The following MON2 variants were observed in gnomAD, a reference collection of about 807,000 sequenced individuals.
MON2 encodes the protein MON2 regulator of endosome-to-Golgi trafficking.
Under a neutral mutation model 208.6 loss-of-function variants are expected in MON2, and 84 were observed. The observed-to-expected ratio is 0.40, with a 90% CI of 0.34 to 0.48. MON2 has a LOEUF of 0.48. Ranked by LOEUF, MON2 falls within the 20% of genes least tolerant of loss-of-function variation. The pLI is 0.59. For missense variants in MON2, 1,611 were observed against 2,015.4 expected (o/e 0.80, Z 3.84); for synonymous variants, 660 against 694.0 (o/e 0.95, Z 0.77).
Position 62,529,891 on chromosome 12 carries a change from G to A in MON2, c.1401-2547G>A, listed in dbSNP as rs143600968. On this transcript the variant is annotated intron_variant, in intron 11 of 34. Transcript: ENST00000393630. ...TATGTAATAAATGTACATATTTTCA[G>A]GGTAAATGTGATATTTTGATACATT... 4.3e-3 allele frequency among the ~76,000 whole-genome samples: 650 copies of A among 152,088 alleles called. 6 individuals are homozygous for A. Among genetic ancestry groups the A allele is most frequent in the African/African-American group, 0.015 (617 of 41,444 alleles).
At chr12:62,536,146 C>T (rs1407841647) in intron 14 of MON2, among the ~76,000 whole-genome samples, 1 of 151,652 alleles carries the variant, frequency 6.6e-6, no homozygotes, top group East Asian at 1.9e-4. Flanking sequence ...CAATTTTAAA[C>T]AATAATTGTG....
At chr12:62,554,686 T>A (rs1035493679) in intron 24 of MON2, among the ~76,000 whole-genome samples, 2 of 151,998 alleles carry the variant, frequency 1.3e-5, no homozygotes, top group African/African-American at 4.8e-5. Context: ...TTTGTAGAGA[T>A]AGTCTCACCA....
Position 62,467,020 on chromosome 12 carries a change from A to G in MON2, c.-188A>G. 5.6e-6 allele frequency: 3 copies of G among 533,176 alleles called. No homozygotes were observed. Among genetic ancestry groups the G allele is most frequent in the South Asian group, 2.4e-5 (1 of 40,948 alleles). 33.0% of individuals were successfully genotyped at this position (533,176 alleles called of 1,614,324 possible). ...GACTGCGGGGGGCGCCTCCGAGAAA[A>G]GCCAGAGGTGTTGCGGGGAAGCTGC... is the stretch of plus-strand genomic sequence containing the variant. On this transcript the variant is annotated 5_prime_UTR_variant, in exon 1 of 35. Coordinates refer to ENST00000393630, the MANE Select transcript of MON2 (RefSeq NM_015026.3).
intron 32 of MON2, among the ~76,000 whole-genome samples, chr12:62,582,190 TAAATGTCC>T (rs1402502665): frequency 6.6e-6 from 1 of 152,250 alleles, no homozygotes; most frequent in Non-Finnish European, 1.5e-5. Context: ...CAATTAGGTA[TAAATGTCC>T]AAAGTTAAAT....
In MON2 at chr12:62,560,684, C is replaced by T. The variant is rs778437502; in HGVS notation, c.3603C>T (p.Pro1201=). The T allele has an allele frequency of 3.1e-6, 5 of 1,613,848 alleles. No homozygotes were observed. In the East Asian group the frequency reaches 8.9e-5, roughly 29 times the overall value. ...VNVPVPVLIG[P]ISGMSRPFVR... is the part of the protein sequence containing the mutation. ...TACCTGTGCCTGTTCTTATAGGGCCCATATCAGGCATGAGCAGGCCATTTG... is the reference window on the plus strand; with the variant it reads ...TACCTGTGCCTGTTCTTATAGGGCCTATATCAGGCATGAGCAGGCCATTTG... The change falls in exon 26 of 35, where the codon CCC becomes CCT. Residue 1201 remains proline (P), a synonymous_variant. Coordinates refer to ENST00000393630, the MANE Select transcript of MON2 (RefSeq NM_015026.3).
intron 8 of MON2, among the ~76,000 whole-genome samples, chr12:62,513,905 G>A (rs1285586954): frequency 6.9e-6 from 1 of 145,652 alleles, no homozygotes; most frequent in Non-Finnish European, 1.5e-5. Flanking sequence ...AGCCGAGATC[G>A]CTCCACTGCA....
chr12:62,559,782 A>G (rs1390886253), intron 25 of MON2: 1 of 152,130 alleles, frequency 6.6e-6, no homozygotes, highest in Non-Finnish European at 1.5e-5. Context: ...CTTAAAAAAA[A>G]AAAAAGAAAA....
chr12:62,499,161 T>TA, intron 5 of MON2, 113 bp downstream of exon 5: 1 of 1,093,492 alleles, frequency 9.1e-7, no homozygotes, highest in Non-Finnish European at 1.2e-6. Flanking sequence ...AATGGCAACT[T>TA]AAAAAATAAA....
chr12:62,595,633 T>C lies in MON2; in HGVS notation c.*2884T>C, dbSNP rs533822510. The stretch of plus-strand genomic sequence containing the variant: ...GCATAGATTACTTCTTAGTTTCCTA[T>C]GCTACCACCACTGCCAAGGGAGAAA... On this transcript the variant is annotated 3_prime_UTR_variant, in exon 35 of 35. Coordinates refer to ENST00000393630, the MANE Select transcript of MON2 (RefSeq NM_015026.3). 2.6e-5 allele frequency: 4 copies of C among 152,370 alleles called. No individual in the cohort carries two copies. In the East Asian group the frequency reaches 7.7e-4, roughly 29 times the overall value. The allele number at this position is 152,370 out of a possible 1,614,324, so 9.4% of individuals were successfully genotyped here.
At chr12:62,547,358 TCTTA>T (rs1279682722) in intron 22 of MON2, among the ~76,000 whole-genome samples, 8 of 152,190 alleles carry the variant, frequency 5.3e-5, no homozygotes, top group African/African-American at 1.9e-4. Context: ...AATACATGAT[TCTTA>T]CTTATAAGAT....
intron 12 of MON2, among the ~76,000 whole-genome samples, chr12:62,534,451 G>A (rs1463956952): frequency 6.4e-5 from 9 of 141,610 alleles, no homozygotes; most frequent in Non-Finnish European, 1.4e-4. Flanking sequence ...CCCAGGAGGC[G>A]AAGGTTGCAG....
In MON2 at chr12:62,467,121, G is replaced by C; in HGVS notation, c.-87G>C. The C allele has an allele frequency of 9.3e-7, 1 of 1,080,270 alleles. No individual in the cohort carries two copies. The highest frequency in any genetic ancestry group is 1.4e-6 in the Non-Finnish European group (1 of 727,974). 66.9% of individuals were successfully genotyped at this position (1,080,270 alleles called of 1,614,324 possible). A position where few individuals can be genotyped will look rare whatever the true frequency, so the allele number is the denominator to read the frequency against. On this transcript the variant is annotated 5_prime_UTR_variant, in exon 1 of 35. Transcript: ENST00000393630. ...GGGCTGCTGAAGGACCAGAGACACCGGGAGGGAGCTGCCTGTGGCCCTAAG... is the reference window on the plus strand; with the variant it reads ...GGGCTGCTGAAGGACCAGAGACACCCGGAGGGAGCTGCCTGTGGCCCTAAG...
chr12:62,497,715 A>G (rs2070601784), intron 4 of MON2, among the ~76,000 whole-genome samples: 1 of 152,134 alleles, frequency 6.6e-6, no homozygotes, highest in African/African-American at 2.4e-5. Context: ...TCCCAGGCTC[A>G]AGGAATTCTC....
chr12:62,471,615 T>C (rs2068793057), intron 1 of MON2, among the ~76,000 whole-genome samples: 1 of 152,184 alleles, frequency 6.6e-6, no homozygotes, highest in Non-Finnish European at 1.5e-5. Context: ...TTATAAATAA[T>C]ATTTGAAACC....
At position 62,535,626 on chromosome 12, in the gene MON2, C is replaced by T. The variant is rs201233366; in HGVS notation, c.1817C>T (p.Thr606Ile). 1.3e-4 allele frequency: 203 copies of T among 1,613,582 alleles called. 2 individuals are homozygous for T. The East Asian group carries it at 4.5e-3, about 36-fold the overall frequency. Residue 606 changes from threonine to isoleucine, a missense_variant, in exon 14 of 35, where the codon ACT becomes ATT. Transcript: ENST00000393630. ...GLVTSRDAFI[T>I]AICKGSLPPH... Reference sequence around the variant, plus strand: ...GTAACTTCAAGAGATGCCTTTATAACTGCAATATGCAAAGGTTCCCTGCCT... The same window carrying T: ...GTAACTTCAAGAGATGCCTTTATAATTGCAATATGCAAAGGTTCCCTGCCT...
intron 1 of MON2, among the ~76,000 whole-genome samples, chr12:62,473,873 C>T (rs1332828649): frequency 6.6e-6 from 1 of 151,896 alleles, no homozygotes; most frequent in African/African-American, 2.4e-5. Context: ...GCCCGGCCAT[C>T]CTTTTCTTTA....
Position 62,544,989 on chromosome 12 carries a change from C to G in MON2, c.2558C>G (p.Pro853Arg), listed in dbSNP as rs774829994. 1.3e-6 allele frequency: 2 copies of G among 1,586,740 alleles called. No homozygotes were observed. The highest frequency in any genetic ancestry group is 1.2e-5 in the South Asian group (1 of 86,106). The change falls in exon 21 of 35, where the codon CCT (proline) becomes CGT (arginine). Residue 853 changes from proline (P) to arginine (R), a missense_variant. Transcript: ENST00000393630. ...IKAGLTFNHDPPLSQNQRLQL... is the reference protein window; with the variant it reads ...IKAGLTFNHDRPLSQNQRLQL... Reference sequence around the variant, plus strand: ...GCAGGATTAACATTTAACCATGATCCTCCACTCTCACAAAACCAGGTAATA... The same window carrying G: ...GCAGGATTAACATTTAACCATGATCGTCCACTCTCACAAAACCAGGTAATA...
chr12:62,558,674 G>A (rs911463996), intron 25 of MON2, among the ~76,000 whole-genome samples: 6 of 150,628 alleles, frequency 4.0e-5, no homozygotes, highest in African/African-American at 1.5e-4. Context: ...TTTATTGTAT[G>A]TAAATTATAC....
At chr12:62,582,876 A>C (rs1162278693) in intron 32 of MON2, among the ~76,000 whole-genome samples, 1 of 152,226 alleles carries the variant, frequency 6.6e-6, no homozygotes, top group African/African-American at 2.4e-5. Flanking sequence ...CATTTGAGGA[A>C]ATTCTCTAAC....
Sources: allele counts gnomAD v4.1 joint callset (sites outside exome capture counted in the v4.1 genomes callset), GRCh38; gene constraint gnomAD v4.1.1; transcripts MANE v1.5; gene names NCBI Gene and HGNC (gene_info 2026-07-23, HGNC 2026-07-21).